Variants in NOP53 observed in about 807,000 individuals in gnomAD.
NOP53 encodes the protein NOP53 ribosome biogenesis factor.
Under a neutral mutation model 61.0 loss-of-function variants are expected in NOP53, and 40 were observed. That is an observed-to-expected ratio of 0.66 (90% CI 0.51 to 0.85). The LOEUF (loss-of-function observed/expected upper bound fraction) is 0.85. Ranked by LOEUF, NOP53 falls within the 40% of genes least tolerant of loss-of-function variation. NOP53 has a pLI of 0.00. For missense variants in NOP53, 689 were observed against 652.9 expected, an observed-to-expected ratio of 1.06 and a Z score of -0.60; for synonymous variants, 308 against 289.5, an observed-to-expected ratio of 1.06 and a Z score of -0.65.
chr19:47,749,688 C>T (rs551432317), intron 2 of NOP53, among the ~76,000 whole-genome samples: 128 of 152,090 alleles, frequency 8.4e-4, no homozygotes, highest in Non-Finnish European at 9.4e-4. Flanking sequence ...ATCCTGGGTC[C>T]CAAGTCCACT....
At chr19:47,752,486 A>T (rs900433623) in intron 5 of NOP53, 26 bp from the exon 6 acceptor site, 1 of 1,461,072 alleles carries the variant, frequency 6.8e-7, no homozygotes, top group African/African-American at 1.4e-5. Flanking sequence ...GCACGGCCTT[A>T]CCCTGCCTCG....
At chr19:47,755,293 G>GGC in intron 8 of NOP53, 55 bp from the exon 9 acceptor site, 1 of 1,214,294 alleles carries the variant, frequency 8.2e-7, no homozygotes, top group Non-Finnish European at 1.1e-6. Context: ...TAGAGAGAAG[G>GGC]TCTCCCTGTG....
intron 5 of NOP53, among the ~76,000 whole-genome samples, chr19:47,751,876 TG>T (rs1205169054): frequency 6.6e-6 from 1 of 151,990 alleles, no homozygotes; most frequent in Non-Finnish European, 1.5e-5. Flanking sequence ...CCGAGACAGG[TG>T]GATCACCTGA....
rs968449729 is a variant in NOP53 at position 47,755,668 on chromosome 19, G to A, written c.1230-88G>A. The A allele has an allele frequency of 3.7e-6, 5 of 1,367,492 alleles. No homozygotes were observed. In the South Asian group the frequency reaches 5.1e-5, roughly 14 times the overall value. The allele number at this position is 1,367,492 out of a possible 1,614,324, so 84.7% of individuals were successfully genotyped here. ...CCCCACAAAACCCCACATTCTCAGA[G>A]GCCCCTTCTTCTCCAGGAGGGGGCT... On this transcript the variant is annotated intron_variant, in intron 9 of 12. Coordinates refer to ENST00000246802, the MANE Select transcript of NOP53 (RefSeq NM_015710.5).
intron 3 of NOP53, 26 bp from the exon 4 acceptor site, chr19:47,750,882 C>A (rs780844320): frequency 5.1e-6 from 8 of 1,556,796 alleles, no homozygotes; most frequent in Non-Finnish European, 5.2e-6. Flanking sequence ...TCACCTGCTG[C>A]ACTTGTGCCC....
intron 1 of NOP53, 41 bp from the exon 2 acceptor site, chr19:47,746,926 T>TC (rs770054578): frequency 3.7e-5 from 57 of 1,552,670 alleles, no homozygotes; most frequent in Non-Finnish European, 4.6e-5. Flanking sequence ...CTCTTTCCTC[T>TC]CCAACATCTC....
chr19:47,748,447 G>C (rs922839002), intron 2 of NOP53, among the ~76,000 whole-genome samples: 1 of 152,070 alleles, frequency 6.6e-6, no homozygotes. Flanking sequence ...GGAAGCAAGC[G>C]AAGGGGTCTG....
rs142807184 is a variant in NOP53 at position 47,745,589 on chromosome 19, G to A, written c.30G>A (p.Gly10=). The A allele has an allele frequency of 1.2e-5, 19 of 1,614,018 alleles. No homozygotes were observed. Among genetic ancestry groups the A allele is most frequent in the African/African-American group, 2.7e-5 (2 of 75,058 alleles). ...CGGCAGGAGGCAGTGGCGTTGGTGG[G>A]AAGCGCAGCTCGAAAAGCGATGCCG... MAAGGSGVG[G]KRSSKSDADS... The change falls in exon 1 of 13, where the codon GGG becomes GGA. Residue 10 remains glycine (G), a synonymous_variant. Coordinates refer to ENST00000246802, the MANE Select transcript of NOP53 (RefSeq NM_015710.5).
At chr19:47,749,817 G>A (rs1012666214) in intron 2 of NOP53, among the ~76,000 whole-genome samples, 1 of 152,076 alleles carries the variant, frequency 6.6e-6, no homozygotes, top group Non-Finnish European at 1.5e-5. Flanking sequence ...CTGGGCTCAA[G>A]CGATCCTCCC....
chr19:47,754,285 A>T lies in NOP53; in HGVS notation c.766-242A>T, dbSNP rs982758734. The T allele has an allele frequency of 4.1e-6, 2 of 485,230 alleles. No homozygotes were observed. The highest frequency in any genetic ancestry group is 7.4e-6 in the Non-Finnish European group (2 of 271,430). The allele number at this position is 485,230 out of a possible 1,614,324, so 30.1% of individuals were successfully genotyped here. A position where few individuals can be genotyped will look rare whatever the true frequency, so the allele number is the denominator to read the frequency against. ...AGACAGAAACTCTATCTCAAAAAAA[A>T]AATGTGAAGCGTGCAGGTCAGACTG... On this transcript the variant is annotated intron_variant, in intron 6 of 12. Transcript: ENST00000246802. The surrounding 1 kb of genome is among the most constrained non-coding windows in gnomAD (Gnocchi z 4.2).
chr19:47,755,673 C>G, intron 9 of NOP53, 83 bp from the exon 10 acceptor site: 7 of 1,407,572 alleles, frequency 5.0e-6, no homozygotes, highest in South Asian at 5.0e-5. Context: ...TCAGAGGCCC[C>G]TTCTTCTCCA....
chr19:47,749,940 C>T (rs1568598415), intron 2 of NOP53, among the ~76,000 whole-genome samples: 1 of 152,086 alleles, frequency 6.6e-6, no homozygotes, highest in African/African-American at 2.4e-5. Flanking sequence ...CTCTTCGTGT[C>T]CCCAGCATGG....
At position 47,754,163 on chromosome 19, in the gene NOP53, G is replaced by A; in HGVS notation, c.766-364G>A. ...ATGGTGGCACATGCCTGTAATAGTAGCTACTCGGGAGGCTGAGGCAGGAGA... is the reference window on the plus strand; with the variant it reads ...ATGGTGGCACATGCCTGTAATAGTAACTACTCGGGAGGCTGAGGCAGGAGA... On this transcript the variant is annotated intron_variant, in intron 6 of 12. Coordinates refer to ENST00000246802, the MANE Select transcript of NOP53 (RefSeq NM_015710.5). This position sits in a 1 kb window ranked among gnomAD's most constrained non-coding sequence, Gnocchi z 4.2. The A allele has an allele frequency of 4.7e-6, 1 of 211,114 alleles. No homozygotes were observed. Among genetic ancestry groups the A allele is most frequent in the South Asian group, 1.1e-4 (1 of 8,714 alleles). 13.1% of individuals were successfully genotyped at this position (211,114 alleles called of 1,614,324 possible).
chr19:47,756,823 C>G lies in NOP53; in HGVS notation c.1430+79C>G. 4.6e-6 allele frequency: 7 copies of G among 1,527,290 alleles called. No individual in the cohort carries two copies. The South Asian group carries it at 7.8e-5, about 17-fold the overall frequency. The allele number at this position is 1,527,290 out of a possible 1,614,324, so 94.6% of individuals were successfully genotyped here. A position where few individuals can be genotyped will look rare whatever the true frequency, so the allele number is the denominator to read the frequency against. The stretch of plus-strand genomic sequence containing the variant: ...TGCCCACCGAGTCCCAGGGCCCCTT[C>G]CAGAGTGTGGCTAGTGGCTGAGCCA... On this transcript the variant is annotated intron_variant, in intron 12 of 12. Transcript: ENST00000246802.
intron 5 of NOP53, 108 bp from the exon 6 acceptor site, chr19:47,752,404 C>T (rs1967135148): frequency 1.4e-6 from 1 of 711,330 alleles, no homozygotes; most frequent in Admixed American, 2.1e-5. Context: ...TGAGCTCTTC[C>T]CACACCCAAC....
At chr19:47,755,265 C>A in intron 8 of NOP53, 83 bp from the exon 9 acceptor site, 1 of 953,452 alleles carries the variant, frequency 1.0e-6, no homozygotes, top group South Asian at 1.9e-5. Context: ...CAGGTTTGTG[C>A]AGGGAAGGCT....
At chr19:47,755,852 G>A (rs1017720695) in intron 10 of NOP53, 30 bp downstream of exon 10, 14 of 1,571,334 alleles carry the variant, frequency 8.9e-6, no homozygotes, top group Non-Finnish European at 1.1e-5. Context: ...GTGGAGCCCC[G>A]TGCCCAGTGA....
intron 2 of NOP53, among the ~76,000 whole-genome samples, chr19:47,749,439 A>G (rs1967099259): frequency 6.6e-6 from 1 of 152,136 alleles, no homozygotes; most frequent in African/African-American, 2.4e-5. Context: ...AAATGATTAC[A>G]TCTTCATAAC....
At chr19:47,746,647 G>A (rs1967068331) in intron 1 of NOP53, 1 of 233,720 alleles carries the variant, frequency 4.3e-6, no homozygotes, top group South Asian at 5.3e-5. Flanking sequence ...GATTACAGGT[G>A]TGAGCCACCA....
Sources: allele counts gnomAD v4.1 joint callset (sites outside exome capture counted in the v4.1 genomes callset), GRCh38; gene constraint gnomAD v4.1.1; non-coding constraint Gnocchi (gnomAD v3.1); transcripts MANE v1.5; gene names NCBI Gene and HGNC (gene_info 2026-07-23, HGNC 2026-07-21).